The following PTBP2 variants were observed in gnomAD, a reference collection of about 807,000 sequenced individuals.
The protein encoded by PTBP2 is polypyrimidine tract binding protein 2.
A neutral mutation model predicts 61.4 loss-of-function variants in PTBP2; 13 were observed. The ratio of observed to expected loss-of-function variants is 0.21; its 90% CI spans 0.14 to 0.34. The LOEUF is 0.34. Among genes scored for constraint, PTBP2 ranks in the 10% least tolerant of loss-of-function variants. The pLI is 1.00. For synonymous variants in PTBP2, 215 were observed against 218.5 expected, an observed-to-expected ratio of 0.98 and a Z score of 0.14; for missense variants, 405 against 642.6, an observed-to-expected ratio of 0.63 and a Z score of 4.00.
intron 11 of PTBP2, 48 bp downstream of exon 11, chr1:96,807,006 A>G: frequency 2.9e-6 from 4 of 1,374,794 alleles, no homozygotes; most frequent in Non-Finnish European, 4.0e-6. Flanking sequence ...TCTGCTTTCA[A>G]ATGCATAATG....
chr1:96,736,986 T>C (rs993126125), intron 2 of PTBP2, among the ~76,000 whole-genome samples: 4 of 151,236 alleles, frequency 2.6e-5, no homozygotes, highest in African/African-American at 9.7e-5. Flanking sequence ...TTTTCTTTCT[T>C]TCTTTTTTTT....
At chr1:96,755,358 G>A (rs927557969) in intron 3 of PTBP2, among the ~76,000 whole-genome samples, 2 of 152,180 alleles carry the variant, frequency 1.3e-5, no homozygotes, top group Admixed American at 1.3e-4. Context: ...GAAAGCATGA[G>A]TTGGGAAGAA....
At chr1:96,799,250 T>G (rs760331253) in intron 8 of PTBP2, among the ~76,000 whole-genome samples, 1 of 151,870 alleles carries the variant, frequency 6.6e-6, no homozygotes, top group Non-Finnish European at 1.5e-5. Context: ...ATGAAGCTCT[T>G]TTACATTGTT....
intron 5 of PTBP2, among the ~76,000 whole-genome samples, chr1:96,773,534 C>T (rs1657631302): frequency 6.6e-6 from 1 of 151,940 alleles, no homozygotes; most frequent in Non-Finnish European, 1.5e-5. Flanking sequence ...GTTGTCTTTT[C>T]GTGTTTCAGA....
At chr1:96,787,269 G>A (rs540603812) in intron 8 of PTBP2, among the ~76,000 whole-genome samples, 3 of 152,200 alleles carry the variant, frequency 2.0e-5, no homozygotes, top group East Asian at 1.9e-4. Flanking sequence ...TGATCTGCCC[G>A]CCTCAGCCTC....
chr1:96,729,203 G>C (rs1264457925), intron 2 of PTBP2, among the ~76,000 whole-genome samples: 1 of 151,990 alleles, frequency 6.6e-6, no homozygotes, highest in Non-Finnish European at 1.5e-5. Flanking sequence ...TGCATTTTCA[G>C]TTGAGGCAGG....
intron 11 of PTBP2, among the ~76,000 whole-genome samples, chr1:96,808,270 A>G (rs963880162): frequency 2.6e-5 from 4 of 152,082 alleles, no homozygotes; most frequent in African/African-American, 9.7e-5. Flanking sequence ...TGAAACAACA[A>G]AAATGTATTT....
chr1:96,734,626 G>A (rs1252452330), intron 2 of PTBP2, among the ~76,000 whole-genome samples: 1 of 151,446 alleles, frequency 6.6e-6, no homozygotes, highest in Admixed American at 6.6e-5. Context: ...CTGGTTATTG[G>A]TCTTACACAG....
At chr1:96,759,503 C>T (rs1350552735) in intron 3 of PTBP2, among the ~76,000 whole-genome samples, 3 of 151,932 alleles carry the variant, frequency 2.0e-5, no homozygotes, top group Non-Finnish European at 4.4e-5. Flanking sequence ...AATATACATA[C>T]AAAAAAGCAA....
At chr1:96,722,492 T>C (rs1352633476) in intron 1 of PTBP2, among the ~76,000 whole-genome samples, 1 of 150,214 alleles carries the variant, frequency 6.7e-6, no homozygotes, top group African/African-American at 2.4e-5. Flanking sequence ...GATGTCATAC[T>C]CCTTTGTTTT....
chr1:96,806,979 A>G, intron 11 of PTBP2, 21 bp downstream of exon 11: 6 of 1,536,582 alleles, frequency 3.9e-6, no homozygotes, highest in Non-Finnish European at 5.4e-6. Context: ...ACTATGTTTT[A>G]TCTATACATC....
intron 11 of PTBP2, among the ~76,000 whole-genome samples, chr1:96,810,013 A>G (rs1661899936): frequency 6.6e-6 from 1 of 152,180 alleles, no homozygotes; most frequent in Non-Finnish European, 1.5e-5. Context: ...GAGAGTGGTA[A>G]CACAAAAAAA....
chr1:96,723,052 A>G (rs997198881), intron 1 of PTBP2, among the ~76,000 whole-genome samples: 1 of 152,200 alleles, frequency 6.6e-6, no homozygotes, highest in African/African-American at 2.4e-5. Context: ...GGTACTAAAA[A>G]CAAGATTTTA....
chr1:96,759,369 C>T lies in PTBP2; in HGVS notation c.115+7869C>T, dbSNP rs367860048. On this transcript the variant is annotated intron_variant, in intron 3 of 13. Coordinates refer to ENST00000674951, the MANE Select transcript of PTBP2 (RefSeq NM_021190.4). ...CTACAAACCTGTAGTTAATCCAAAA[C>T]AGTTTACTACTAGCATAGTTAGTGA... 2.6e-5 allele frequency among the ~76,000 whole-genome samples: 4 copies of T among 152,336 alleles called. No individual in the cohort carries two copies. The East Asian group carries it at 5.8e-4, about 22-fold the overall frequency.
chr1:96,783,915 G>C (rs1658952407), intron 7 of PTBP2, among the ~76,000 whole-genome samples: 1 of 152,028 alleles, frequency 6.6e-6, no homozygotes, highest in Non-Finnish European at 1.5e-5. Context: ...GTTTTTACCA[G>C]TGCTGTATTG....
At chr1:96,781,610 C>G (rs1658676948) in intron 7 of PTBP2, among the ~76,000 whole-genome samples, 1 of 151,972 alleles carries the variant, frequency 6.6e-6, no homozygotes, top group South Asian at 2.1e-4. Flanking sequence ...GTTTAGAAGC[C>G]TCTTCCTGAG....
intron 5 of PTBP2, among the ~76,000 whole-genome samples, chr1:96,773,773 G>A (rs956796709): frequency 1.3e-5 from 2 of 151,468 alleles, no homozygotes; most frequent in Non-Finnish European, 2.9e-5. Flanking sequence ...TCAGGAGATC[G>A]AGACCATGGT....
At chr1:96,762,400 C>A (rs1421210750) in intron 3 of PTBP2, among the ~76,000 whole-genome samples, 2 of 146,952 alleles carry the variant, frequency 1.4e-5, no homozygotes, top group African/African-American at 5.1e-5. Context: ...GGGGGGCTGA[C>A]CCCCCCACCT....
At position 96,769,871 on chromosome 1, in the gene PTBP2, A is replaced by G. The variant is rs375282955; in HGVS notation, c.284A>G (p.Asn95Ser). 12 of 1,586,816 alleles carry G rather than the reference A, an allele frequency of 7.6e-6. No individual in the cohort carries two copies. The highest frequency in any genetic ancestry group is 4.6e-5 in the East Asian group (2 of 43,682). The change falls in exon 4 of 14, where the codon AAT becomes AGT. Residue 95 changes from asparagine to serine, a missense_variant. Asn to Ser is a conservative substitution (Grantham distance 46). This residue lies in a region of PTBP2 where 342 missense variants were observed against 491.2 expected (regional missense o/e 0.70). Coordinates refer to ENST00000674951, the MANE Select transcript of PTBP2 (RefSeq NM_021190.4). ...VTNILMLKGK[N>S]QAFLELATEE... ...AACATCCTTATGCTGAAAGGAAAAA[A>G]TCAGGTACACTTCTTTCAGGGTTTA...
Sources: gnomAD v4.1 joint callset for allele counts (sites outside exome capture counted in the v4.1 genomes callset) on GRCh38, gnomAD v4.1.1 for gene constraint, gnomAD v4.1.1 regional missense constraint, MANE v1.5 for transcripts, NCBI Gene and HGNC (gene_info 2026-07-23, HGNC 2026-07-21) for gene names.